PITPNM2: variants seen among roughly 807,000 people sequenced by gnomAD.
The protein encoded by PITPNM2 is phosphatidylinositol transfer protein membrane associated 2, also known as membrane-associated phosphatidylinositol transfer protein 2.
PITPNM2 carries 35 observed loss-of-function variants against 132.2 expected under a neutral mutation model. That is an observed-to-expected ratio of 0.26 (90% CI 0.20 to 0.35). The LOEUF (loss-of-function observed/expected upper bound fraction) is 0.35, where lower values mean the gene tolerates loss of function less well. Ranked by LOEUF, PITPNM2 falls within the 10% of genes least tolerant of loss-of-function variation. The pLI, the probability that PITPNM2 is intolerant of heterozygous loss-of-function variation, is 1.00. For missense variants in PITPNM2, 1,332 were observed against 1,912.0 expected, an observed-to-expected ratio of 0.70 and a Z score of 5.66; for synonymous variants, 738 against 799.2, an observed-to-expected ratio of 0.92 and a Z score of 1.29.
intron 2 of PITPNM2, among the ~76,000 whole-genome samples, chr12:123,047,092 T>C (rs926155899): frequency 2.6e-5 from 4 of 152,204 alleles, no homozygotes; most frequent in Non-Finnish European, 5.9e-5. Context: ...ATGCTCCCAT[T>C]TTTGGAAGAA....
Position 122,985,767 on chromosome 12 carries a change from C to G in PITPNM2, c.*260G>C. 2.5e-6 allele frequency: 1 copy of G among 392,878 alleles called. No individual in the cohort carries two copies. Among genetic ancestry groups the G allele is most frequent in the Non-Finnish European group, 4.5e-6 (1 of 223,224 alleles). 24.3% of individuals were successfully genotyped at this position (392,878 alleles called of 1,614,324 possible). A position where few individuals can be genotyped will look rare whatever the true frequency, so the allele number is the denominator to read the frequency against. ...AAAATGTCTGGGAGAACCTCCCGGGCCAGTCTGAGTGGGAGGTTCTGGTCC... is the reference window on the plus strand; with the variant it reads ...AAAATGTCTGGGAGAACCTCCCGGGGCAGTCTGAGTGGGAGGTTCTGGTCC... On this transcript the variant is annotated 3_prime_UTR_variant, in exon 26 of 26. Coordinates refer to ENST00000320201, the MANE Select transcript of PITPNM2 (RefSeq NM_020845.3).
chr12:123,122,859 T>C (rs74886197), intron 1 of PITPNM2, among the ~76,000 whole-genome samples: 172 of 152,356 alleles, frequency 1.1e-3, no homozygotes, highest in Middle Eastern at 3.4e-3. Context: ...ATTTTTATTT[T>C]ACTTAAAAGC....
At chr12:123,096,089 C>G (rs938653010) in intron 2 of PITPNM2, among the ~76,000 whole-genome samples, 2 of 152,232 alleles carry the variant, frequency 1.3e-5, no homozygotes, top group African/African-American at 4.8e-5. Context: ...CTCAGGGAGC[C>G]AAAGTGGCCC....
At position 122,994,747 on chromosome 12, in the gene PITPNM2, C is replaced by A; in HGVS notation, c.2233+54G>T. The A allele has an allele frequency of 6.5e-7, 1 of 1,540,352 alleles. No individual in the cohort carries two copies. Reference sequence around the variant, plus strand: ...TCATCACAGGGGTCCACTGAGACCCCCGCCCCCGCACCCAGTGCATGTACC... The same window carrying A: ...TCATCACAGGGGTCCACTGAGACCCACGCCCCCGCACCCAGTGCATGTACC... On this transcript the variant is annotated intron_variant, in intron 15 of 25. Transcript: ENST00000320201. This position sits in a 1 kb window ranked among gnomAD's most constrained non-coding sequence, Gnocchi z 5.4.
chr12:123,024,746 T>C (rs1327633259), intron 3 of PITPNM2, among the ~76,000 whole-genome samples: 2 of 152,112 alleles, frequency 1.3e-5, no homozygotes, highest in East Asian at 3.8e-4. Context: ...AGAAAGCACA[T>C]TATTGGTTGC....
chr12:123,013,509 C>G (rs1400275632), intron 4 of PITPNM2, among the ~76,000 whole-genome samples: 2 of 152,314 alleles, frequency 1.3e-5, no homozygotes, highest in Admixed American at 6.5e-5. Flanking sequence ...TCTTAGGGAG[C>G]CTGAAGTGGG....
rs757977972 is a variant in PITPNM2, at chr12:122,986,333, G to A, written c.3744C>T (p.Tyr1248=). The change falls in exon 26 of 26, where the codon TAC becomes TAT. Residue 1248 remains tyrosine, a synonymous_variant. Coordinates refer to ENST00000320201, the MANE Select transcript of PITPNM2 (RefSeq NM_020845.3). ...ACTTCAGCTGCGCCAGGTGGGCCGC[G>A]TAGCCATCCGTGATGAACTGCGGGG... is the stretch of plus-strand genomic sequence containing the variant. ...QQQCQFITDG[Y]AAHLAQLKYS... 5.7e-6 allele frequency: 9 copies of A among 1,579,484 alleles called. No homozygotes were observed. In the Admixed American group the frequency reaches 7.2e-5, roughly 13 times the overall value.
At chr12:123,068,109 C>G (rs2041488159) in intron 2 of PITPNM2, among the ~76,000 whole-genome samples, 2 of 152,354 alleles carry the variant, frequency 1.3e-5, no homozygotes, top group South Asian at 4.1e-4. Flanking sequence ...CACCTCCCCA[C>G]ATGGTACCTG....
rs755973278 is a variant in PITPNM2, at chr12:122,992,560, C to T, written c.2343G>A (p.Pro781=). 54 of 1,611,562 alleles carry T rather than the reference C, an allele frequency of 3.4e-5. No homozygotes were observed. Among genetic ancestry groups the T allele is most frequent in the Admixed American group, 8.3e-5 (5 of 59,944 alleles). The change falls in exon 16 of 26, where the codon CCG becomes CCA. Residue 781 remains proline (P), a synonymous_variant. Coordinates refer to ENST00000320201, the MANE Select transcript of PITPNM2 (RefSeq NM_020845.3). The surrounding 1 kb of genome is among the most constrained non-coding windows in gnomAD (Gnocchi z 6.5). Reference sequence around the variant, plus strand: ...GTTGGTAGCGGGGGACGCTGAAAGGCGGCAGGGCGTGAAAGCGCCGTTCCA... The same window carrying T: ...GTTGGTAGCGGGGGACGCTGAAAGGTGGCAGGGCGTGAAAGCGCCGTTCCA... ...PLLERRFHAL[P]PFSVPRYQRY...
intron 4 of PITPNM2, among the ~76,000 whole-genome samples, chr12:123,013,311 A>G (rs1417118531): frequency 6.6e-6 from 1 of 152,218 alleles, no homozygotes; most frequent in Non-Finnish European, 1.5e-5. Flanking sequence ...TATTCAACTC[A>G]GCAGTGATAA....
At chr12:123,147,219 T>A (rs1297644182) in intron 1 of PITPNM2, among the ~76,000 whole-genome samples, 2 of 152,236 alleles carry the variant, frequency 1.3e-5, no homozygotes, top group Non-Finnish European at 2.9e-5. Context: ...TCCTCTGAAC[T>A]CTACCTTCAA....
chr12:123,042,462 A>T (rs1365440769), intron 2 of PITPNM2, among the ~76,000 whole-genome samples: 2 of 152,196 alleles, frequency 1.3e-5, no homozygotes, highest in East Asian at 3.9e-4. Flanking sequence ...TCACAGATGG[A>T]ATTTAGTGAG....
At chr12:123,098,597 G>T (rs1037847534) in intron 2 of PITPNM2, among the ~76,000 whole-genome samples, 2 of 152,114 alleles carry the variant, frequency 1.3e-5, no homozygotes, top group Admixed American at 6.5e-5. Flanking sequence ...TATAGTCCCA[G>T]CTACTCCAGA....
chr12:123,115,723 G>A (rs1301717127), intron 1 of PITPNM2, among the ~76,000 whole-genome samples: 1 of 151,850 alleles, frequency 6.6e-6, no homozygotes, highest in Non-Finnish European at 1.5e-5. Context: ...TACTATGAGG[G>A]AGAGGCAGCA....
intron 6 of PITPNM2, among the ~76,000 whole-genome samples, chr12:123,007,034 G>A (rs2038963385): frequency 6.6e-6 from 1 of 152,162 alleles, no homozygotes; most frequent in Admixed American, 6.5e-5. Flanking sequence ...CGGCGACAGG[G>A]AGCCCTCCAC....
chr12:123,104,576 G>C (rs577052912), intron 2 of PITPNM2, among the ~76,000 whole-genome samples: 3 of 151,984 alleles, frequency 2.0e-5, no homozygotes, highest in Admixed American at 1.3e-4. Context: ...GGCTCAAAAA[G>C]CTCCCCCACT....
intron 1 of PITPNM2, among the ~76,000 whole-genome samples, chr12:123,112,590 G>A (rs940356285): frequency 6.7e-6 from 1 of 149,374 alleles, no homozygotes; most frequent in African/African-American, 2.5e-5. Flanking sequence ...CCAGGCTGGA[G>A]TGCAGTGGTG....
At chr12:122,989,674 G>T in intron 18 of PITPNM2, 113 bp downstream of exon 18, 3 of 1,076,476 alleles carry the variant, frequency 2.8e-6, no homozygotes, top group Non-Finnish European at 3.7e-6. Flanking sequence ...TCCCAGCCCA[G>T]CCCCCAGCTC....
At chr12:123,039,756 T>A (rs561278158) in intron 2 of PITPNM2, among the ~76,000 whole-genome samples, 1 of 152,074 alleles carries the variant, frequency 6.6e-6, no homozygotes, top group Non-Finnish European at 1.5e-5. Flanking sequence ...ACAGGGCACA[T>A]TGATGTGTGA....
Sources: allele counts gnomAD v4.1 joint callset (sites outside exome capture counted in the v4.1 genomes callset), GRCh38; gene constraint gnomAD v4.1.1; non-coding constraint Gnocchi (gnomAD v3.1); transcripts MANE v1.5; gene names NCBI Gene and HGNC (gene_info 2026-07-23, HGNC 2026-07-21).